Variants in NDUFS2 observed in about 807,000 individuals in gnomAD.
The protein encoded by NDUFS2 is NADH:ubiquinone oxidoreductase core subunit S2.
NDUFS2 carries 38 observed loss-of-function variants against 69.6 expected under a neutral mutation model. That is an observed-to-expected ratio of 0.55 (90% CI 0.42 to 0.72). The LOEUF (loss-of-function observed/expected upper bound fraction) is 0.72, where lower values mean the gene tolerates loss of function less well. Ranked by LOEUF, NDUFS2 falls within the 30% of genes least tolerant of loss-of-function variation. NDUFS2 has a pLI of 0.00. For missense variants in NDUFS2, 468 were observed against 595.0 expected (o/e 0.79, Z 2.22); for synonymous variants, 194 against 211.2 (o/e 0.92, Z 0.70).
rs542377881 is a variant in NDUFS2, at chr1:161,212,217, C to G, written c.987-134C>G. The G allele has an allele frequency of 1.6e-3, 1,855 of 1,153,450 alleles. 5 individuals are homozygous for G. The highest frequency in any genetic ancestry group is 7.7e-3 in the Middle Eastern group (32 of 4,142). The allele number at this position is 1,153,450 out of a possible 1,614,324, so 71.5% of individuals were successfully genotyped here. ...GGTTTATATGGGTGGCCAAGCCAAG[C>G]AGAGATGCTGTACTTGGAGAAAAGA... On this transcript the variant is annotated intron_variant, in intron 9 of 13. Transcript: ENST00000676972.
Position 161,209,518 on chromosome 1 carries a change from A to G in NDUFS2, c.550A>G (p.Ile184Val), listed in dbSNP as rs1320386472. ...FGEITRLLNH[I>V]MAVTTHALDL... Reference sequence around the variant, plus strand: ...AGAAATCACACGTTTGTTGAACCACATCATGGCTGTGACCACACATGCCCT... The same window carrying G: ...AGAAATCACACGTTTGTTGAACCACGTCATGGCTGTGACCACACATGCCCT... Residue 184 changes from isoleucine to valine, a missense_variant, in exon 5 of 14, where the codon ATC becomes GTC. This residue lies in a region of NDUFS2 where 339 missense variants were observed against 433.8 expected (regional missense o/e 0.78). Coordinates refer to ENST00000676972, the MANE Select transcript of NDUFS2 (RefSeq NM_001377299.1). 2 of 1,613,654 alleles carry G rather than the reference A, an allele frequency of 1.2e-6. No homozygotes were observed. The highest frequency in any genetic ancestry group is 2.2e-5 in the East Asian group (1 of 44,848).
chr1:161,211,593 T>C (rs1665770340), intron 9 of NDUFS2, among the ~76,000 whole-genome samples: 1 of 152,124 alleles, frequency 6.6e-6, no homozygotes, highest in South Asian at 2.1e-4. Flanking sequence ...AAGGATGCAG[T>C]GAGCTGAGAT....
Position 161,209,869 on chromosome 1 carries a change from T to C in NDUFS2, c.640T>C (p.Tyr214His). 2.5e-6 allele frequency: 4 copies of C among 1,614,078 alleles called. No individual in the cohort carries two copies. The highest frequency in any genetic ancestry group is 3.4e-6 in the Non-Finnish European group (4 of 1,180,024). Residue 214 changes from tyrosine to histidine, a missense_variant, in exon 6 of 14, where the codon TAC becomes CAC. This residue lies in a region of NDUFS2 where 339 missense variants were observed against 433.8 expected (regional missense o/e 0.78). Coordinates refer to ENST00000676972, the MANE Select transcript of NDUFS2 (RefSeq NM_001377299.1). ...FEEREKMFEF[Y>H]ERVSGARMHA... is the part of the protein sequence containing the mutation. The stretch of plus-strand genomic sequence containing the variant: ...ACGTTCTATGAAGATGTTTGAGTTC[T>C]ACGAGCGAGTGTCTGGAGCCCGAAT...
upstream of NDUFS2, among the ~76,000 whole-genome samples, chr1:161,201,810 T>C (rs185086891): frequency 1.0e-3 from 158 of 152,250 alleles, no homozygotes; most frequent in South Asian, 7.3e-3. Flanking sequence ...TCCTATTCTT[T>C]TTTGTTTTGG....
Position 161,204,856 on chromosome 1 carries a change from G to A in NDUFS2, c.202+1313G>A, listed in dbSNP as rs184745225. Among the ~76,000 whole-genome samples, 14 of 152,242 alleles carry A rather than the reference G, an allele frequency of 9.2e-5. No individual in the cohort carries two copies. In the East Asian group the frequency reaches 2.7e-3, roughly 29 times the overall value. ...ACCTTAGGTCAGGAGTTCAAGACCA[G>A]CCTGGCCAACATGGTGAAACCCCGC... On this transcript the variant is annotated intron_variant, in intron 2 of 13. Transcript: ENST00000676972.
chr1:161,198,055 A>T (rs1330662753), upstream of NDUFS2: 2 of 1,605,974 alleles, frequency 1.2e-6, no homozygotes, highest in African/African-American at 1.3e-5. The surrounding 1 kb of genome is among the most constrained non-coding windows in gnomAD (Gnocchi z 4.7). Context: ...TGCACATGGG[A>T]CCTTGACCGC....
upstream of NDUFS2, among the ~76,000 whole-genome samples, chr1:161,201,541 A>G (rs891786596): frequency 6.6e-6 from 1 of 152,192 alleles, no homozygotes; most frequent in African/African-American, 2.4e-5. Flanking sequence ...GTGCTACTAC[A>G]TTTCCGTGCT....
At chr1:161,214,031 G>C (rs780380627) in intron 13 of NDUFS2, 110 bp downstream of exon 13, 8 of 1,613,194 alleles carry the variant, frequency 5.0e-6, no homozygotes, top group Non-Finnish European at 6.8e-6. Context: ...GCATGGACTC[G>C]GGTCCTCAAT....
intron 3 of NDUFS2, among the ~76,000 whole-genome samples, chr1:161,206,920 C>T (rs1237397799): frequency 5.3e-5 from 8 of 152,228 alleles, no homozygotes; most frequent in Admixed American, 5.2e-4. Context: ...AGCCAGTGTC[C>T]CTAGGGGCAG....
chr1:161,209,141 C>G (rs1665631715), intron 3 of NDUFS2, 52 bp from the exon 4 acceptor site: 8 of 1,613,972 alleles, frequency 5.0e-6, no homozygotes, highest in Non-Finnish European at 6.8e-6. Context: ...GGCAGCCAGA[C>G]TGTGGGCTCC....
chr1:161,209,290 C>G lies in NDUFS2; in HGVS notation c.491C>G (p.Pro164Arg), dbSNP rs781101992. Residue 164 changes from proline to arginine, a missense_variant, in exon 4 of 14, where the codon CCT becomes CGT. By Grantham distance (103) the Pro-to-Arg change is moderately radical. Transcript: ENST00000676972. ...GAGAAGTTGCTAAACATCCGGCCTC[C>G]TCCTCGGGCACAGTGGATCCGAGGT... The part of the protein sequence containing the change: ...AVEKLLNIRP[P>R]PRAQWIRVLF... 34 of 1,614,082 alleles carry G rather than the reference C, an allele frequency of 2.1e-5. No homozygotes were observed. The highest frequency in any genetic ancestry group is 2.7e-5 in the Non-Finnish European group (32 of 1,180,056).
upstream of NDUFS2, among the ~76,000 whole-genome samples, chr1:161,201,214 G>A (rs537478051): frequency 4.6e-4 from 70 of 152,326 alleles, no homozygotes; most frequent in Non-Finnish European, 8.1e-4. Flanking sequence ...CCACCCTTTG[G>A]TACAGTTCCC....
Position 161,212,347 on chromosome 1 carries a change from T to C in NDUFS2, c.987-4T>C, listed in dbSNP as rs1665816835. On this transcript the variant is annotated splice_polypyrimidine_tract_variant and splice_region_variant and intron_variant, in intron 9 of 13. Transcript: ENST00000676972. ...CTTCTCTTGCTCTGTCTCATCTTCTTGAGGTACCTGTGCCGGGTGGAGGAG... is the reference window on the plus strand; with the variant it reads ...CTTCTCTTGCTCTGTCTCATCTTCTCGAGGTACCTGTGCCGGGTGGAGGAG... The C allele has an allele frequency of 6.2e-7, 1 of 1,613,172 alleles. No individual in the cohort carries two copies. Among genetic ancestry groups the C allele is most frequent in the Non-Finnish European group, 8.5e-7 (1 of 1,179,434 alleles).
At position 161,202,883 on chromosome 1, in the gene NDUFS2, C is replaced by A. The variant is rs556509476; in HGVS notation, c.95+403C>A. On this transcript the variant is annotated intron_variant, in intron 1 of 13. Transcript: ENST00000676972. Reference sequence around the variant, plus strand: ...AAATATGAAGAAGCTAGGATCCCAACCTTGCATGCCCAGGGGTGATGGGTG... The same window carrying A: ...AAATATGAAGAAGCTAGGATCCCAAACTTGCATGCCCAGGGGTGATGGGTG... Among the ~76,000 whole-genome samples, 4 of 152,268 alleles carry A rather than the reference C, an allele frequency of 2.6e-5. No homozygotes were observed. The South Asian group carries it at 8.3e-4, about 32-fold the overall frequency.
At position 161,210,119 on chromosome 1, in the gene NDUFS2, C is replaced by T. The variant is rs773244895; in HGVS notation, c.711C>T (p.Pro237=). ...TTCCGTTTGGCTTCTAGGACCTACC[C>T]CTTGGGCTTATGGATGACATTTATC... ...IRPGGVHQDL[P]LGLMDDIYQF... Residue 237 remains proline, a synonymous_variant, in exon 7 of 14, where the codon CCC becomes CCT. Transcript: ENST00000676972. 2.5e-6 allele frequency: 4 copies of T among 1,614,078 alleles called. No individual in the cohort carries two copies. In the South Asian group the frequency reaches 3.3e-5, roughly 13 times the overall value.
intron 9 of NDUFS2, 67 bp from the exon 10 acceptor site, chr1:161,212,284 G>A (rs545462489): frequency 6.7e-5 from 107 of 1,604,774 alleles, no homozygotes; most frequent in Non-Finnish European, 8.9e-5. Flanking sequence ...TGGCCAAAGG[G>A]CATCCTTCCT....
At position 161,203,535 on chromosome 1, in the gene NDUFS2, C is replaced by T. The variant is rs1274507331; in HGVS notation, c.194C>T (p.Pro65Leu). The change falls in exon 2 of 14, where the codon CCT becomes CTT. Residue 65 changes from proline to leucine, a missense_variant. This residue lies in a region of NDUFS2 where 339 missense variants were observed against 433.8 expected (regional missense o/e 0.78). Coordinates refer to ENST00000676972, the MANE Select transcript of NDUFS2 (RefSeq NM_001377299.1). ...GAAACAGCCCACTGGAAGCCTCCACCTTGGAATGGTGAGTGACCAGAGTTG... is the reference window on the plus strand; with the variant it reads ...GAAACAGCCCACTGGAAGCCTCCACTTTGGAATGGTGAGTGACCAGAGTTG... ...SKETAHWKPP[P>L]WNDVDPPKDT... 1 of 1,613,088 alleles carries T rather than the reference C, an allele frequency of 6.2e-7. No homozygotes were observed.
intron 2 of NDUFS2, 135 bp from the exon 3 acceptor site, chr1:161,206,272 T>C: frequency 1.1e-6 from 1 of 883,696 alleles, no homozygotes; most frequent in Non-Finnish European, 1.8e-6. Context: ...TTCCTGGTTA[T>C]AGTGGAGATT....
upstream of NDUFS2, among the ~76,000 whole-genome samples, chr1:161,200,081 GGC>G (rs1259065918): frequency 1.3e-5 from 2 of 151,972 alleles, no homozygotes; most frequent in African/African-American, 4.8e-5. Flanking sequence ...ATCCCCACCT[GGC>G]TCCCACCATC....
Sources: gnomAD v4.1 joint callset for allele counts (sites outside exome capture counted in the v4.1 genomes callset) on GRCh38, gnomAD v4.1.1 for gene constraint, gnomAD v4.1.1 regional missense constraint, Gnocchi (gnomAD v3.1) non-coding constraint, MANE v1.5 for transcripts, NCBI Gene and HGNC (gene_info 2026-07-23, HGNC 2026-07-21) for gene names.